PRIM2: variants seen among roughly 807,000 people sequenced by gnomAD.
PRIM2 encodes DNA primase large subunit.
Under a neutral mutation model 67.3 loss-of-function variants are expected in PRIM2, and 39 were observed. That is an observed-to-expected ratio of 0.58 (90% CI 0.45 to 0.76). The LOEUF is 0.76. Among genes scored for constraint, PRIM2 ranks in the 30% least tolerant of loss-of-function variants. The pLI is 0.00. For missense variants in PRIM2, 398 were observed against 598.7 expected (o/e 0.66, Z 3.50); for synonymous variants, 143 against 198.7 (o/e 0.72, Z 2.36).
At chr6:57,637,896 A>G (rs1227642105) in intron 13 of PRIM2, among the ~76,000 whole-genome samples, 1 of 152,250 alleles carries the variant, frequency 6.6e-6, no homozygotes, top group African/African-American at 2.4e-5. Context: ...GGAAATGCAG[A>G]GAACACCACA....
At chr6:57,485,010 A>C (rs1773721569) in intron 7 of PRIM2, among the ~76,000 whole-genome samples, 2 of 152,214 alleles carry the variant, frequency 1.3e-5, no homozygotes, top group Admixed American at 1.3e-4. Context: ...AAGTACTCAA[A>C]AAAGTACTGT....
At chr6:57,594,824 C>T (rs1314165938) in intron 10 of PRIM2, among the ~76,000 whole-genome samples, 1 of 152,092 alleles carries the variant, frequency 6.6e-6, no homozygotes, top group East Asian at 1.9e-4. Flanking sequence ...AACACCTGCT[C>T]ATCAGAAGAT....
chr6:57,627,388 C>G (rs1776969355), intron 12 of PRIM2, among the ~76,000 whole-genome samples: 1 of 135,656 alleles, frequency 7.4e-6, no homozygotes, highest in Non-Finnish European at 1.6e-5. Flanking sequence ...CTTTTTCTTT[C>G]TTTGTTTTGT....
intron 5 of PRIM2, among the ~76,000 whole-genome samples, chr6:57,327,717 T>C (rs552138074): frequency 6.6e-6 from 1 of 152,352 alleles, no homozygotes; most frequent in South Asian, 2.1e-4. Context: ...AGAAATAGTT[T>C]ATTTTTTGCT....
At chr6:57,426,938 A>G (rs1771652083) in intron 7 of PRIM2, among the ~76,000 whole-genome samples, 1 of 152,206 alleles carries the variant, frequency 6.6e-6, no homozygotes, top group South Asian at 2.1e-4. Context: ...TATAATTAAT[A>G]CATTAAAAAG....
At chr6:57,546,289 T>G (rs1775289741) in intron 10 of PRIM2, among the ~76,000 whole-genome samples, 1 of 152,190 alleles carries the variant, frequency 6.6e-6, no homozygotes, top group Admixed American at 6.5e-5. Flanking sequence ...TCTACTTGGT[T>G]ATAGTTTAAT....
intron 10 of PRIM2, among the ~76,000 whole-genome samples, chr6:57,541,562 AT>A (rs1242744441): frequency 1.3e-5 from 2 of 152,200 alleles, no homozygotes; most frequent in Non-Finnish European, 2.9e-5. Flanking sequence ...TGTTTGGGGA[AT>A]AAAAAGTTAT....
the PRIM2 span, among the ~76,000 whole-genome samples, chr6:57,267,969 G>T: frequency 6.6e-6 from 1 of 152,002 alleles, no homozygotes; most frequent in Non-Finnish European, 1.5e-5. Flanking sequence ...TGAGCTATGG[G>T]CATTGAGCAT....
intron 12 of PRIM2, among the ~76,000 whole-genome samples, chr6:57,611,275 C>T (rs1460466449): frequency 1.3e-5 from 2 of 152,140 alleles, no homozygotes; most frequent in African/African-American, 2.4e-5. Flanking sequence ...ATACCATATA[C>T]AGCAGTACCA....
intron 5 of PRIM2, among the ~76,000 whole-genome samples, chr6:57,374,062 ATTCT>A (rs1769661721): frequency 6.6e-6 from 1 of 151,898 alleles, no homozygotes; most frequent in African/African-American, 2.4e-5. Flanking sequence ...CATGATACTG[ATTCT>A]TTCTATCCAT....
At chr6:57,430,602 C>T (rs1199702655) in intron 7 of PRIM2, among the ~76,000 whole-genome samples, 1 of 151,572 alleles carries the variant, frequency 6.6e-6, no homozygotes, top group Admixed American at 6.6e-5. Flanking sequence ...TACAGGTGCC[C>T]ACCACCATGC....
chr6:57,621,532 T>C (rs1776854813), intron 12 of PRIM2, among the ~76,000 whole-genome samples: 1 of 152,188 alleles, frequency 6.6e-6, no homozygotes, highest in East Asian at 1.9e-4. Context: ...TAACCTTTTA[T>C]ATGTATAACA....
At chr6:57,473,606 C>T (rs1773391257) in intron 7 of PRIM2, among the ~76,000 whole-genome samples, 1 of 152,090 alleles carries the variant, frequency 6.6e-6, no homozygotes, top group East Asian at 1.9e-4. Context: ...TTAGATTTCC[C>T]CTTCCCTTTG....
chr6:57,511,842 G>A (rs1157402582), intron 8 of PRIM2, among the ~76,000 whole-genome samples: 10 of 152,190 alleles, frequency 6.6e-5, no homozygotes, highest in African/African-American at 2.4e-4. Context: ...GACCTATGTG[G>A]GGGATGTTTA....
rs1777344136 is a variant in PRIM2, at chr6:57,646,772, T to C, written c.*614T>C. ...CAGAAACTACAATAAAGAACAACTT[T>C]TGTTTTAACTCTTAATCACTTTGTA... On this transcript the variant is annotated 3_prime_UTR_variant, in exon 14 of 14. Coordinates refer to ENST00000615550, the MANE Select transcript of PRIM2 (RefSeq NM_000947.5). The C allele has an allele frequency of 6.6e-6, 1 of 152,372 alleles. No individual in the cohort carries two copies. Among genetic ancestry groups the C allele is most frequent in the Admixed American group, 6.5e-5 (1 of 15,298 alleles). 9.4% of individuals were successfully genotyped at this position (152,372 alleles called of 1,614,324 possible). A position where few individuals can be genotyped will look rare whatever the true frequency, so the allele number is the denominator to read the frequency against.
rs1283074328 is a variant in PRIM2 at position 57,566,642 on chromosome 6, C to T, written c.1020+29017C>T. On this transcript the variant is annotated intron_variant, in intron 10 of 13. Coordinates refer to ENST00000615550, the MANE Select transcript of PRIM2 (RefSeq NM_000947.5). ...ATTCTAATTATTTCAGATGCACTGCCAATGGGAGTCAGTCAGTTGACATCG... is the reference window on the plus strand; with the variant it reads ...ATTCTAATTATTTCAGATGCACTGCTAATGGGAGTCAGTCAGTTGACATCG... 1.4e-3 allele frequency among the ~76,000 whole-genome samples: 212 copies of T among 152,176 alleles called. 5 individuals carry two copies. In the East Asian group the frequency reaches 0.019, roughly 14 times the overall value.
chr6:57,395,328 T>A (rs562779552), intron 7 of PRIM2, among the ~76,000 whole-genome samples: 1 of 152,326 alleles, frequency 6.6e-6, no homozygotes, highest in South Asian at 2.1e-4. Context: ...AATTACCATT[T>A]CAATCTTGCT....
chr6:57,391,755 G>C (rs1770353632), intron 7 of PRIM2, among the ~76,000 whole-genome samples: 2 of 151,968 alleles, frequency 1.3e-5, no homozygotes, highest in South Asian at 4.2e-4. Flanking sequence ...ATGCTGTTTT[G>C]GTTACTGTAT....
the PRIM2 span, among the ~76,000 whole-genome samples, chr6:57,287,457 C>A: frequency 3.9e-5 from 6 of 152,114 alleles, no homozygotes; most frequent in Non-Finnish European, 8.8e-5. Flanking sequence ...ATGTCCTTTG[C>A]AGGGACATGG....
Sources: gnomAD v4.1 joint callset for allele counts (sites outside exome capture counted in the v4.1 genomes callset) on GRCh38, gnomAD v4.1.1 for gene constraint, MANE v1.5 for transcripts, NCBI Gene and HGNC (gene_info 2026-07-23, HGNC 2026-07-21) for gene names.